RAP1GDS1: variants seen among roughly 807,000 people sequenced by gnomAD.
RAP1GDS1 encodes the protein RAP1, GTP-GDP dissociation stimulator 1.
RAP1GDS1 carries 35 observed loss-of-function variants against 71.1 expected under a neutral mutation model. The observed-to-expected ratio is 0.49, with a 90% CI of 0.38 to 0.65. RAP1GDS1 has a LOEUF of 0.65. RAP1GDS1 is among the 30% of genes least tolerant of loss of function. The pLI is 0.00. For synonymous variants in RAP1GDS1, 229 were observed against 243.1 expected (o/e 0.94, Z 0.54); for missense variants, 663 against 706.1 (o/e 0.94, Z 0.69).
At chr4:98,341,414 C>G (rs537866339) in intron 2 of RAP1GDS1, among the ~76,000 whole-genome samples, 2 of 152,308 alleles carry the variant, frequency 1.3e-5, no homozygotes, top group Non-Finnish European at 2.9e-5. Flanking sequence ...CCCCTTGCCC[C>G]TGACATTCCA....
At position 98,363,163 on chromosome 4, in the gene RAP1GDS1, T is replaced by C. The variant is rs542281838; in HGVS notation, c.361+10562T>C. 2.1e-4 allele frequency among the ~76,000 whole-genome samples: 32 copies of C among 152,162 alleles called. 1 individual carries two copies. The highest frequency in any genetic ancestry group is 1.0e-3 in the Admixed American group (16 of 15,278). ...GTCTGGAAAATGAGAATGAGCCAGCTAAGAGAAGAGGAAGAATATTCCTTA... is the reference window on the plus strand; with the variant it reads ...GTCTGGAAAATGAGAATGAGCCAGCCAAGAGAAGAGGAAGAATATTCCTTA... On this transcript the variant is annotated intron_variant, in intron 4 of 14. Coordinates refer to ENST00000408927, the MANE Select transcript of RAP1GDS1 (RefSeq NM_001100427.2).
At chr4:98,362,062 CGATT>C (rs1738825945) in intron 4 of RAP1GDS1, among the ~76,000 whole-genome samples, 1 of 152,008 alleles carries the variant, frequency 6.6e-6, no homozygotes, top group African/African-American at 2.4e-5. Context: ...TGAAAACATT[CGATT>C]ATGTCTAAGG....
intron 8 of RAP1GDS1, 128 bp from the exon 9 acceptor site, chr4:98,417,239 A>T: frequency 1.1e-6 from 1 of 951,166 alleles, no homozygotes; most frequent in Non-Finnish European, 1.6e-6. Context: ...AAGAATCATT[A>T]CTTTTCCCAT....
Position 98,293,519 on chromosome 4 carries a change from A to G in RAP1GDS1, c.112+4A>G, listed in dbSNP as rs752840769. On this transcript the variant is annotated splice_donor_region_variant and intron_variant, in intron 2 of 14. Coordinates refer to ENST00000408927, the MANE Select transcript of RAP1GDS1 (RefSeq NM_001100427.2). Reference sequence around the variant, plus strand: ...CTTCAAGCCCTGGCTCAAAATAGTAAGTTTCATTATGTTTACTCAAATTCC... The same window carrying G: ...CTTCAAGCCCTGGCTCAAAATAGTAGGTTTCATTATGTTTACTCAAATTCC... The G allele has an allele frequency of 2.5e-6, 4 of 1,592,306 alleles. No individual in the cohort carries two copies. The East Asian group carries it at 9.0e-5, about 36-fold the overall frequency.
Position 98,442,071 on chromosome 4 carries a change from C to T in RAP1GDS1, c.1778C>T (p.Ala593Val), listed in dbSNP as rs1483216870. 1 of 1,613,800 alleles carries T rather than the reference C, an allele frequency of 6.2e-7. No homozygotes were observed. The highest frequency in any genetic ancestry group is 8.5e-7 in the Non-Finnish European group (1 of 1,179,986). The change falls in exon 15 of 15, where the codon GCC (alanine) becomes GTC (valine). Residue 593 changes from alanine (A) to valine (V), a missense_variant. Transcript: ENST00000408927. ...KLRSHENKSV[A>V]QQASLTEQRL... ...CGCAGTCATGAGAACAAAAGTGTTGCCCAGCAGGCCTCTCTCACAGAGCAG... is the reference window on the plus strand; with the variant it reads ...CGCAGTCATGAGAACAAAAGTGTTGTCCAGCAGGCCTCTCTCACAGAGCAG...
At chr4:98,293,899 A>G (rs1727334303) in intron 2 of RAP1GDS1, among the ~76,000 whole-genome samples, 1 of 152,102 alleles carries the variant, frequency 6.6e-6, no homozygotes, top group African/African-American at 2.4e-5. Context: ...GAGAGGAGAA[A>G]CAGAGGGGGA....
intron 7 of RAP1GDS1, among the ~76,000 whole-genome samples, chr4:98,408,667 C>T (rs527813043): frequency 2.6e-5 from 4 of 152,208 alleles, no homozygotes. Flanking sequence ...AGCAAATTTA[C>T]TCTAGTAATA....
Position 98,442,269 on chromosome 4 carries a change from A to G in RAP1GDS1, c.*152A>G. 9.6e-7 allele frequency: 1 copy of G among 1,043,878 alleles called. No individual in the cohort carries two copies. The highest frequency in any genetic ancestry group is 1.3e-6 in the Non-Finnish European group (1 of 757,314). 64.7% of individuals were successfully genotyped at this position (1,043,878 alleles called of 1,614,324 possible). A position where few individuals can be genotyped will look rare whatever the true frequency, so the allele number is the denominator to read the frequency against. On this transcript the variant is annotated 3_prime_UTR_variant, in exon 15 of 15. Coordinates refer to ENST00000408927, the MANE Select transcript of RAP1GDS1 (RefSeq NM_001100427.2). ...GAACCGCTGTAGGTACCTCCCTAAT[A>G]AGATTTCTAAACCTATAGTTAGTGT...
At chr4:98,389,378 C>G (rs1469895459) in intron 5 of RAP1GDS1, among the ~76,000 whole-genome samples, 4 of 151,756 alleles carry the variant, frequency 2.6e-5, no homozygotes, top group African/African-American at 9.7e-5. Flanking sequence ...TCGGTGTGAA[C>G]AAATTTTAGA....
chr4:98,429,776 AATTGT>A (rs1163084264), intron 12 of RAP1GDS1, among the ~76,000 whole-genome samples: 1 of 152,122 alleles, frequency 6.6e-6, no homozygotes, highest in African/African-American at 2.4e-5. Context: ...GGCAAACCAT[AATTGT>A]ATTAACTAAT....
At chr4:98,354,742 T>C (rs1228713359) in intron 4 of RAP1GDS1, among the ~76,000 whole-genome samples, 1 of 152,168 alleles carries the variant, frequency 6.6e-6, no homozygotes, top group Non-Finnish European at 1.5e-5. Context: ...TGAATATTTA[T>C]AACCAACTTA....
intron 4 of RAP1GDS1, among the ~76,000 whole-genome samples, chr4:98,369,585 A>G (rs1214895695): frequency 6.6e-6 from 1 of 152,240 alleles, no homozygotes; most frequent in Non-Finnish European, 1.5e-5. Flanking sequence ...AAATCATTAG[A>G]GTGAAAATAG....
intron 12 of RAP1GDS1, among the ~76,000 whole-genome samples, 160 bp from the exon 13 acceptor site, chr4:98,433,776 C>T (rs1334983190): frequency 1.3e-5 from 2 of 152,118 alleles, no homozygotes; most frequent in Non-Finnish European, 2.9e-5. Flanking sequence ...AAGCTAAAAG[C>T]TTTTTCCTTT....
chr4:98,343,830 A>G (rs1578516974), intron 3 of RAP1GDS1, among the ~76,000 whole-genome samples: 2 of 152,344 alleles, frequency 1.3e-5, no homozygotes, highest in South Asian at 2.1e-4. Flanking sequence ...GATGAATTAT[A>G]TCATAGCATA....
intron 6 of RAP1GDS1, among the ~76,000 whole-genome samples, chr4:98,401,362 A>G (rs913665228): frequency 7.2e-5 from 11 of 152,232 alleles, no homozygotes; most frequent in Non-Finnish European, 1.6e-4. Context: ...ACAAAATTAC[A>G]TATAATTAGA....
intron 4 of RAP1GDS1, among the ~76,000 whole-genome samples, chr4:98,359,508 A>C (rs1738423947): frequency 6.6e-6 from 1 of 152,164 alleles, no homozygotes; most frequent in Admixed American, 6.6e-5. Flanking sequence ...ATAAAAGTCA[A>C]CACCAAAATG....
Position 98,437,155 on chromosome 4 carries a change from G to T in RAP1GDS1, c.1696+87G>T. ...AGAGTAATAGTAAATGATGGTTTTG[G>T]GTTTTAAAGCCGTTAGAAATTAGTT... On this transcript the variant is annotated intron_variant, in intron 14 of 14. Transcript: ENST00000408927. 3.0e-6 allele frequency: 4 copies of T among 1,313,488 alleles called. No individual in the cohort carries two copies. The South Asian group carries it at 6.7e-5, about 22-fold the overall frequency. 81.4% of individuals were successfully genotyped at this position (1,313,488 alleles called of 1,614,324 possible). A position where few individuals can be genotyped will look rare whatever the true frequency, so the allele number is the denominator to read the frequency against.
chr4:98,417,272 G>A lies in RAP1GDS1; in HGVS notation c.908-95G>A, dbSNP rs545935712. 67 of 1,226,600 alleles carry A rather than the reference G, an allele frequency of 5.5e-5. 1 individual carries two copies. In the South Asian group the frequency reaches 8.0e-4, roughly 15 times the overall value. 76.0% of individuals were successfully genotyped at this position (1,226,600 alleles called of 1,614,324 possible). The stretch of plus-strand genomic sequence containing the variant: ...CATTATGAATGTAACAGTTTGTGAG[G>A]TGTGAGTTTCCAGTTGGATATTCAC... On this transcript the variant is annotated intron_variant, in intron 8 of 14. Coordinates refer to ENST00000408927, the MANE Select transcript of RAP1GDS1 (RefSeq NM_001100427.2).
Position 98,421,263 on chromosome 4 carries a change from G to T in RAP1GDS1, c.1309G>T (p.Ala437Ser). ...TGCCTTCTTTCCTATAGCAGAAGCT[G>T]CTGAACAATTGGGAAAGAATGTTAA... is the stretch of plus-strand genomic sequence containing the variant. ...RMLIDAQAEA[A>S]EQLGKNVKLV... is the part of the protein sequence containing the mutation. Residue 437 changes from alanine (A) to serine (S), a missense_variant, in exon 12 of 15, where the codon GCT (alanine) becomes TCT (serine). Ala to Ser is a moderately conservative substitution (Grantham distance 99). Coordinates refer to ENST00000408927, the MANE Select transcript of RAP1GDS1 (RefSeq NM_001100427.2). 2 of 1,607,496 alleles carry T rather than the reference G, an allele frequency of 1.2e-6. No individual in the cohort carries two copies. Among genetic ancestry groups the T allele is most frequent in the African/African-American group, 1.3e-5 (1 of 74,892 alleles).
Sources: gnomAD v4.1 joint callset for allele counts (sites outside exome capture counted in the v4.1 genomes callset) on GRCh38, gnomAD v4.1.1 for gene constraint, MANE v1.5 for transcripts, NCBI Gene and HGNC (gene_info 2026-07-23, HGNC 2026-07-21) for gene names.